AUTS2: variants seen among roughly 807,000 people sequenced by gnomAD.
The protein encoded by AUTS2 is activator of transcription and developmental regulator AUTS2, also known as autism susceptibility gene 2 protein.
Under a neutral mutation model 112.4 loss-of-function variants are expected in AUTS2, and 17 were observed. The ratio of observed to expected loss-of-function variants is 0.15; its 90% CI spans 0.10 to 0.23. AUTS2 has a LOEUF of 0.23. Among genes scored for constraint, AUTS2 ranks in the 10% least tolerant of loss-of-function variants. AUTS2 has a pLI of 1.00. For synonymous variants in AUTS2, 751 were observed against 702.7 expected (o/e 1.07, Z -1.09); for missense variants, 1,510 against 1,701.6 (o/e 0.89, Z 1.98).
rs199657836 is a variant in AUTS2, at chr7:70,789,869, C to G, written c.2653C>G (p.Arg885Gly). Residue 885 changes from arginine (R) to glycine (G), a missense_variant, in exon 19 of 19, where the codon CGG becomes GGG. By Grantham distance (125) the Arg-to-Gly change is moderately radical. This residue lies in a region of AUTS2 where 788 missense variants were observed against 797.6 expected (regional missense o/e 0.99). Transcript: ENST00000342771. ...QIRAHLNTEA[R>G]EKDKPKERER... is the part of the protein sequence containing the mutation. ...CCGGGCTCATCTGAACACTGAGGCT[C>G]GGGAGAAGGACAAACCCAAAGAGAG... The G allele has an allele frequency of 2.4e-5, 39 of 1,614,110 alleles. No individual in the cohort carries two copies. The East Asian group carries it at 6.7e-4, about 28-fold the overall frequency.
chr7:70,669,414 G>T (rs796262967), intron 5 of AUTS2, among the ~76,000 whole-genome samples: 9 of 152,328 alleles, frequency 5.9e-5, no homozygotes, highest in African/African-American at 2.2e-4. Context: ...CCTACAGAGG[G>T]ACACAAGGGT....
Position 70,242,854 on chromosome 7 carries a change from G to A in AUTS2, c.660+108283G>A, listed in dbSNP as rs1812695028. On this transcript the variant is annotated intron_variant, in intron 4 of 18. Coordinates refer to ENST00000342771, the MANE Select transcript of AUTS2 (RefSeq NM_015570.4). ...AAGCAAAAAGAAAGAGAGCAAGAGA[G>A]GAAGAGGGGAGAAATGCCGTGCTTT... Among the ~76,000 whole-genome samples the A allele has an allele frequency of 2.6e-5, 4 of 152,284 alleles. No individual in the cohort carries two copies. In the East Asian group the frequency reaches 7.7e-4, roughly 29 times the overall value.
chr7:69,635,304 T>C (rs1017819436), intron 1 of AUTS2, among the ~76,000 whole-genome samples: 2 of 152,240 alleles, frequency 1.3e-5, no homozygotes, highest in African/African-American at 4.8e-5. Flanking sequence ...ATGCTTTACC[T>C]ACCATAGGGC....
chr7:69,750,500 T>TAGC (rs961551767), intron 1 of AUTS2, among the ~76,000 whole-genome samples: 9 of 150,668 alleles, frequency 6.0e-5, no homozygotes, highest in East Asian at 5.8e-4. Flanking sequence ...GTAGTAGTAG[T>TAGC]AGCAGTAGTA....
rs758313517 is a variant in AUTS2 at position 70,789,995 on chromosome 7, C to A, written c.2779C>A (p.Arg927Ser). The change falls in exon 19 of 19, where the codon CGC becomes AGC. Residue 927 changes from arginine (R) to serine (S), a missense_variant. Coordinates refer to ENST00000342771, the MANE Select transcript of AUTS2 (RefSeq NM_015570.4). Reference sequence around the variant, plus strand: ...GAAGGACGGGCACGGCCACGAGGGGCGCGCCGCGGGCGAAGAGGCCAAGCA... The same window carrying A: ...GAAGGACGGGCACGGCCACGAGGGGAGCGCCGCGGGCGAAGAGGCCAAGCA... ...PEKDGHGHEG[R>S]AAGEEAKQLA... The A allele has an allele frequency of 1.9e-6, 3 of 1,604,438 alleles. No homozygotes were observed. In the Admixed American group the frequency reaches 5.1e-5, roughly 27 times the overall value.
At chr7:69,704,337 G>A (rs1046546550) in intron 1 of AUTS2, among the ~76,000 whole-genome samples, 13 of 151,952 alleles carry the variant, frequency 8.6e-5, no homozygotes, top group African/African-American at 2.9e-4. Context: ...GAGTGCGGTG[G>A]TGCGATCTCT....
chr7:70,454,863 A>G (rs887104814), intron 5 of AUTS2, among the ~76,000 whole-genome samples: 1 of 152,170 alleles, frequency 6.6e-6, no homozygotes, highest in Non-Finnish European at 1.5e-5. Context: ...ATACCTCCCA[A>G]GGCTGTGGCA....
intron 1 of AUTS2, among the ~76,000 whole-genome samples, chr7:69,644,125 T>C (rs1794917472): frequency 6.6e-6 from 1 of 152,126 alleles, no homozygotes; most frequent in Non-Finnish European, 1.5e-5. Flanking sequence ...AGTCACCCAG[T>C]CTTTGGTATT....
chr7:70,291,793 A>C (rs892222062), intron 4 of AUTS2: 2 of 152,190 alleles, frequency 1.3e-5, no homozygotes, highest in Non-Finnish European at 2.9e-5. Flanking sequence ...ATGGACTAGT[A>C]AGCTTGAGAA....
intron 2 of AUTS2, among the ~76,000 whole-genome samples, chr7:70,008,920 T>A (rs1000303173): frequency 6.6e-6 from 1 of 152,196 alleles, no homozygotes; most frequent in Non-Finnish European, 1.5e-5. Context: ...CATATAGATA[T>A]GGTTTTTATC....
intron 4 of AUTS2, among the ~76,000 whole-genome samples, chr7:70,255,847 T>TA (rs1786838583): frequency 6.6e-6 from 1 of 152,222 alleles, no homozygotes; most frequent in African/African-American, 2.4e-5. Flanking sequence ...GGTTTTTAAT[T>TA]ATATGCACTA....
chr7:70,765,909 A>C (rs1789908359), intron 8 of AUTS2, among the ~76,000 whole-genome samples: 1 of 152,092 alleles, frequency 6.6e-6, no homozygotes, highest in South Asian at 2.1e-4. Context: ...GAAAGCTGGG[A>C]GACCAGCTAG....
chr7:70,616,399 C>A (rs944668060), intron 5 of AUTS2, among the ~76,000 whole-genome samples: 1 of 152,222 alleles, frequency 6.6e-6, no homozygotes. Flanking sequence ...AAAGACCCCA[C>A]GCTCTTCTCC....
intron 5 of AUTS2, among the ~76,000 whole-genome samples, chr7:70,656,903 G>T (rs1055569756): frequency 6.9e-6 from 1 of 144,256 alleles, no homozygotes; most frequent in Non-Finnish European, 1.5e-5. Context: ...ACAAGCTAAG[G>T]TGTATGGGTT....
At chr7:70,754,712 G>A (rs904047535) in intron 6 of AUTS2, among the ~76,000 whole-genome samples, 4 of 152,168 alleles carry the variant, frequency 2.6e-5, no homozygotes, top group South Asian at 2.1e-4. Context: ...GGACAGTAAC[G>A]AGAGAAGCTA....
chr7:69,897,851 G>A (rs1794817299), intron 1 of AUTS2, among the ~76,000 whole-genome samples: 1 of 152,184 alleles, frequency 6.6e-6, no homozygotes, highest in Non-Finnish European at 1.5e-5. Flanking sequence ...GGGGAGAGAT[G>A]TCAGGGAGTA....
chr7:70,272,319 C>G (rs527826361), intron 4 of AUTS2, among the ~76,000 whole-genome samples: 1 of 151,366 alleles, frequency 6.6e-6, no homozygotes, highest in Non-Finnish European at 1.5e-5. Context: ...TATTTTAATG[C>G]ACAATCACCT....
intron 5 of AUTS2, among the ~76,000 whole-genome samples, chr7:70,681,903 C>T (rs1295945115): frequency 6.6e-6 from 1 of 152,188 alleles, no homozygotes. Context: ...CTTTCACACT[C>T]CCGAGGCCGT....
intron 6 of AUTS2, among the ~76,000 whole-genome samples, chr7:70,704,701 A>C (rs541139291): frequency 6.6e-6 from 1 of 152,254 alleles, no homozygotes; most frequent in Non-Finnish European, 1.5e-5. Flanking sequence ...AAAGGGCTCA[A>C]TCACGCGGGC....
Sources: allele counts gnomAD v4.1 joint callset (sites outside exome capture counted in the v4.1 genomes callset), GRCh38; gene constraint gnomAD v4.1.1; regional missense constraint gnomAD v4.1.1; transcripts MANE v1.5; gene names NCBI Gene and HGNC (gene_info 2026-07-23, HGNC 2026-07-21).